Variants in CTU2 observed in about 807,000 individuals in gnomAD.
CTU2 encodes cytoplasmic tRNA 2-thiolation protein 2.
CTU2 carries 80 observed loss-of-function variants against 64.1 expected under a neutral mutation model. The observed-to-expected ratio is 1.25, with a 90% confidence interval of 1.04 to 1.50. CTU2 has a LOEUF of 1.50. Among genes scored for constraint, CTU2 ranks in the 40% most tolerant of loss-of-function variants. CTU2 has a pLI of 0.00. For missense variants in CTU2, 1,110 were observed against 690.2 expected (o/e 1.61, Z -6.81); for synonymous variants, 482 against 285.3 (o/e 1.69, Z -6.95).
chr16:88,713,287 G>A (rs779426169), intron 7 of CTU2, 25 bp from the exon 8 acceptor site: 5 of 1,470,844 alleles, frequency 3.4e-6, no homozygotes, highest in Middle Eastern at 1.9e-4. Context: ...CACCCCCCAG[G>A]CCCCTGAGAC....
At chr16:88,710,656 C>G in intron 4 of CTU2, 1 of 240,396 alleles carries the variant, frequency 4.2e-6, no homozygotes. Flanking sequence ...CAATCAGAAG[C>G]TGGGTCCAGA....
chr16:88,710,041 G>T, intron 3 of CTU2, 25 bp downstream of exon 3: 1 of 1,612,486 alleles, frequency 6.2e-7, no homozygotes, highest in South Asian at 1.1e-5. Flanking sequence ...CTGGGGGTCT[G>T]ACTGAGCAGC....
At chr16:88,714,266 T>G (rs1350469913) in intron 10 of CTU2, 39 bp downstream of exon 10, 2 of 1,595,796 alleles carry the variant, frequency 1.3e-6, no homozygotes, top group East Asian at 2.2e-5. Flanking sequence ...GGTGCGCGGG[T>G]GTGTGCTGTG....
intron 9 of CTU2, among the ~76,000 whole-genome samples, 156 bp downstream of exon 9, chr16:88,713,934 C>T (rs1384639217): frequency 1.3e-5 from 2 of 152,200 alleles, no homozygotes; most frequent in African/African-American, 2.4e-5. Flanking sequence ...CACCCTGTGC[C>T]GTGAGGGTGT....
chr16:88,714,649 C>G lies in CTU2; in HGVS notation c.1264C>G (p.Pro422Ala), dbSNP rs749055325. ...SRLSQMQSPIPLTETRTPPGP... is the reference protein window; with the variant it reads ...SRLSQMQSPIALTETRTPPGP... ...TCTCTCCCAGATGCAGTCACCCATC[C>G]CCCTGACTGAGACCCGGACACCCCC... is the stretch of plus-strand genomic sequence containing the variant. The change falls in exon 12 of 15, where the codon CCC (proline) becomes GCC (alanine). Residue 422 changes from proline to alanine, a missense_variant. Pro to Ala is a conservative substitution (Grantham distance 27, BLOSUM62 -1). Coordinates refer to ENST00000453996, the MANE Select transcript of CTU2 (RefSeq NM_001012759.3). 1.6e-5 allele frequency: 25 copies of G among 1,612,462 alleles called. No homozygotes were observed. The highest frequency in any genetic ancestry group is 2.1e-5 in the Non-Finnish European group (25 of 1,179,868).
chr16:88,714,065 C>T lies in CTU2; in HGVS notation c.1006-71C>T, dbSNP rs569895054. Reference sequence around the variant, plus strand: ...GCAGCGTGGAACCCACGGCACCTGTCCTGGGGACTCTGCCCCAGCCTGGGG... The same window carrying T: ...GCAGCGTGGAACCCACGGCACCTGTTCTGGGGACTCTGCCCCAGCCTGGGG... On this transcript the variant is annotated intron_variant, in intron 9 of 14. Transcript: ENST00000453996. 116 of 1,460,880 alleles carry T rather than the reference C, an allele frequency of 7.9e-5. No homozygotes were observed. The Middle Eastern group carries it at 1.4e-3, about 18-fold the overall frequency. The allele number at this position is 1,460,880 out of a possible 1,614,324, so 90.5% of individuals were successfully genotyped here. A position where few individuals can be genotyped will look rare whatever the true frequency, so the allele number is the denominator to read the frequency against.
Position 88,714,177 on chromosome 16 carries a change from C to G in CTU2, c.1047C>G (p.Phe349Leu). 1.2e-6 allele frequency: 2 copies of G among 1,612,762 alleles called. No individual in the cohort carries two copies. The highest frequency in any genetic ancestry group is 1.7e-6 in the Non-Finnish European group (2 of 1,179,920). ...KASIHRLMEA[F>L]ILRLQTQFPS... The stretch of plus-strand genomic sequence containing the variant: ...GCATCCACCGGCTGATGGAGGCCTT[C>G]ATCCTCAGGCTGCAGACCCAGTTCC... The change falls in exon 10 of 15, where the codon TTC becomes TTG. Residue 349 changes from phenylalanine to leucine, a missense_variant. Physicochemically the swap from Phe to Leu is conservative, Grantham distance 22. Transcript: ENST00000453996.
chr16:88,707,062 T>A lies in CTU2; in HGVS notation c.69-74T>A, dbSNP rs558342077. 3.4e-6 allele frequency: 5 copies of A among 1,461,664 alleles called. No individual in the cohort carries two copies. The African/African-American group carries it at 6.9e-5, about 20-fold the overall frequency. The allele number at this position is 1,461,664 out of a possible 1,614,324, so 90.5% of individuals were successfully genotyped here. On this transcript the variant is annotated intron_variant, in intron 1 of 14. Transcript: ENST00000453996. ...AACTCAGGGTGAGAAACAGGAGCTG[T>A]CTCCCCAAAGCCCACTAGGCGTGGG...
At chr16:88,709,917 C>A (rs750600769) in intron 2 of CTU2, 21 bp from the exon 3 acceptor site, 3 of 1,610,742 alleles carry the variant, frequency 1.9e-6, no homozygotes, top group Non-Finnish European at 2.5e-6. Flanking sequence ...GCGGTTCCCT[C>A]ATCTCAGGTC....
intron 2 of CTU2, 89 bp downstream of exon 2, chr16:88,707,299 T>C: frequency 8.2e-7 from 1 of 1,217,442 alleles, no homozygotes; most frequent in Non-Finnish European, 1.2e-6. Flanking sequence ...GTTAATTCTT[T>C]TTAAAAACAT....
intron 4 of CTU2, among the ~76,000 whole-genome samples, chr16:88,711,178 T>C (rs1487589704): frequency 6.6e-6 from 1 of 152,162 alleles, no homozygotes. Flanking sequence ...AGGAGGGTGT[T>C]GTGAGGGAAC....
chr16:88,711,658 A>T lies in CTU2; in HGVS notation c.306A>T (p.Lys102Asn). ...VLEGLSQDSA[K>N]RLRFVAGVIF... ...AGGGCCTGAGCCAAGATTCTGCCAA[A>T]AGACTGCGCTTTGTGGCAGGAGTCA... The change falls in exon 5 of 15, where the codon AAA (lysine) becomes AAT (asparagine). Residue 102 changes from lysine to asparagine, a missense_variant. Transcript: ENST00000453996. 4 of 1,607,348 alleles carry T rather than the reference A, an allele frequency of 2.5e-6. No individual in the cohort carries two copies. In the South Asian group the frequency reaches 4.5e-5, roughly 18 times the overall value.
intron 2 of CTU2, 144 bp downstream of exon 2, chr16:88,707,354 G>A (rs1597420984): frequency 1.3e-6 from 1 of 782,414 alleles, no homozygotes; most frequent in Admixed American, 2.3e-5. Context: ...TCGTGCCCCT[G>A]GTGTTGAAGT....
chr16:88,712,535 G>C (rs574950868), intron 6 of CTU2, 87 bp from the exon 7 acceptor site: 1 of 1,532,936 alleles, frequency 6.5e-7, no homozygotes, highest in Non-Finnish European at 8.8e-7. Context: ...CCTCACTGCC[G>C]TCTCCCGCAT....
At position 88,714,421 on chromosome 16, in the gene CTU2, C is replaced by T; in HGVS notation, c.1136C>T (p.Pro379Leu). 1.9e-6 allele frequency: 3 copies of T among 1,612,572 alleles called. No individual in the cohort carries two copies. The highest frequency in any genetic ancestry group is 2.2e-5 in the East Asian group (1 of 44,884). Residue 379 changes from proline (P) to leucine (L), a missense_variant, in exon 11 of 15, where the codon CCT (proline) becomes CTT (leucine). Coordinates refer to ENST00000453996, the MANE Select transcript of CTU2 (RefSeq NM_001012759.3). ...EKLVKGPRDG[P>L]AAGDSGPRCL... is the part of the protein sequence containing the mutation. ...CTGGTGAAGGGCCCCCGGGATGGCC[C>T]TGCTGCTGGCGACTCCGGCCCCCGC...
At chr16:88,710,332 C>T in intron 4 of CTU2, 50 bp downstream of exon 4, 3 of 1,595,816 alleles carry the variant, frequency 1.9e-6, no homozygotes, top group Non-Finnish European at 2.6e-6. Flanking sequence ...GAGCTTCAGG[C>T]TGGGGGCCTC....
chr16:88,713,874 C>T (rs923849231), intron 9 of CTU2, 96 bp downstream of exon 9: 25 of 1,488,676 alleles, frequency 1.7e-5, no homozygotes, highest in Admixed American at 3.5e-5. Context: ...CACCAGCACA[C>T]CTTCAGTGAC....
chr16:88,708,926 G>T (rs188847627), intron 2 of CTU2: 1 of 152,178 alleles, frequency 6.6e-6, no homozygotes, highest in Non-Finnish European at 1.5e-5. Flanking sequence ...TACAGCCAGG[G>T]CCAAGAACCC....
At chr16:88,713,887 C>T (rs1366881918) in intron 9 of CTU2, 109 bp downstream of exon 9, 18 of 1,444,310 alleles carry the variant, frequency 1.2e-5, no homozygotes, top group Non-Finnish European at 1.5e-5. Context: ...TCAGTGACTC[C>T]TGCTGTGGCC....
Sources: allele counts gnomAD v4.1 joint callset (sites outside exome capture counted in the v4.1 genomes callset), GRCh38; gene constraint gnomAD v4.1.1; transcripts MANE v1.5; gene names NCBI Gene and HGNC (gene_info 2026-07-23, HGNC 2026-07-21).